The following SEC23B variants were observed in gnomAD, a reference collection of about 807,000 sequenced individuals.
SEC23B encodes the protein protein transport protein Sec23B.
In SEC23B, 77 loss-of-function variants were observed where a neutral mutation model predicts 104.3. The observed-to-expected ratio is 0.74, with a 90% CI of 0.61 to 0.89. SEC23B has a LOEUF of 0.89. Ranked by LOEUF, SEC23B falls within the 40% of genes least tolerant of loss-of-function variation. The pLI, the probability that SEC23B is intolerant of heterozygous loss-of-function variation, is 0.00. For missense variants in SEC23B, 885 were observed against 949.4 expected, an observed-to-expected ratio of 0.93 and a Z score of 0.89; for synonymous variants, 338 against 332.5, an observed-to-expected ratio of 1.02 and a Z score of -0.18.
chr20:18,558,752 C>G (rs980386232), intron 19 of SEC23B, among the ~76,000 whole-genome samples: 1 of 152,160 alleles, frequency 6.6e-6, no homozygotes, highest in Non-Finnish European at 1.5e-5. Context: ...GTGACTTCCA[C>G]TTCTTTCCTG....
At chr20:18,545,173 G>C (rs1450167833) in intron 14 of SEC23B, among the ~76,000 whole-genome samples, 2 of 152,170 alleles carry the variant, frequency 1.3e-5, no homozygotes, top group Non-Finnish European at 2.9e-5. Context: ...TCTGGCTCTA[G>C]TGTTCATTTG....
intron 16 of SEC23B, 97 bp from the exon 17 acceptor site, chr20:18,550,992 C>A: frequency 1.3e-6 from 1 of 790,950 alleles, no homozygotes; most frequent in Non-Finnish European, 2.3e-6. Flanking sequence ...ATAGCCTTTG[C>A]TGTGGATACC....
At chr20:18,519,462 G>T (rs186648247) in intron 4 of SEC23B, among the ~76,000 whole-genome samples, 65 of 152,274 alleles carry the variant, frequency 4.3e-4, no homozygotes, top group Admixed American at 6.5e-4. Context: ...GTATTAGGGC[G>T]GCAGCAGCTG....
chr20:18,548,264 A>ATT (rs1288320490), intron 15 of SEC23B, among the ~76,000 whole-genome samples: 8 of 151,354 alleles, frequency 5.3e-5, no homozygotes, highest in East Asian at 1.9e-4. Flanking sequence ...GGCCCTTTAA[A>ATT]AAAAAAAATT....
chr20:18,541,866 C>T (rs2060290490), intron 12 of SEC23B, among the ~76,000 whole-genome samples: 2 of 152,118 alleles, frequency 1.3e-5, no homozygotes, highest in East Asian at 1.9e-4. Context: ...GCTTGATGTA[C>T]GATTGCCACA....
intron 4 of SEC23B, chr20:18,515,950 C>A: frequency 1.8e-6 from 1 of 548,880 alleles, no homozygotes; most frequent in Non-Finnish European, 3.3e-6. Context: ...TGATTAAATT[C>A]CAAACCTGTT....
At chr20:18,535,880 T>C in intron 12 of SEC23B, 138 bp downstream of exon 12, 4 of 718,276 alleles carry the variant, frequency 5.6e-6, no homozygotes, top group Non-Finnish European at 7.4e-6. Flanking sequence ...TAGTCTGGCA[T>C]GACCTTTTCT....
At position 18,530,707 on chromosome 20, in the gene SEC23B, C is replaced by T; in HGVS notation, c.1137C>T (p.Phe379=). ...TGGYMVMGDS[F]NTSLFKQTFQ... is the part of the protein sequence containing the mutation. ...GCTACATGGTAATGGGAGATTCTTT[C>T]AACACTTCTCTCTTCAAGCAGACAT... The change falls in exon 10 of 20, where the codon TTC becomes TTT. Residue 379 remains phenylalanine (F), a synonymous_variant. Transcript: ENST00000650089. The T allele has an allele frequency of 6.2e-7, 1 of 1,611,348 alleles. No homozygotes were observed. The highest frequency in any genetic ancestry group is 8.5e-7 in the Non-Finnish European group (1 of 1,177,624).
At chr20:18,534,195 T>C (rs988722676) in intron 11 of SEC23B, among the ~76,000 whole-genome samples, 1 of 152,234 alleles carries the variant, frequency 6.6e-6, no homozygotes, top group East Asian at 1.9e-4. Context: ...TTTGCAGATA[T>C]CATGACAGTC....
chr20:18,551,048 C>A, intron 16 of SEC23B, 41 bp from the exon 17 acceptor site: 1 of 1,275,380 alleles, frequency 7.8e-7, no homozygotes, highest in Non-Finnish European at 1.1e-6. Context: ...GTGTGGGGAG[C>A]AGGGAAGACC....
chr20:18,554,157 C>T (rs945568108), intron 17 of SEC23B, 78 bp from the exon 18 acceptor site: 41 of 1,515,098 alleles, frequency 2.7e-5, no homozygotes, highest in African/African-American at 1.4e-4. Flanking sequence ...CTCTGGGTGG[C>T]GATGGTAGAA....
chr20:18,515,520 C>T (rs1043252402), intron 3 of SEC23B, 130 bp from the exon 4 acceptor site: 1 of 681,246 alleles, frequency 1.5e-6, no homozygotes, highest in Non-Finnish European at 2.7e-6. Flanking sequence ...ACAGTGTTGC[C>T]CAAGCTAGTC....
intron 16 of SEC23B, among the ~76,000 whole-genome samples, chr20:18,550,475 TA>T (rs1358456729): frequency 6.6e-6 from 1 of 152,192 alleles, no homozygotes; most frequent in Non-Finnish European, 1.5e-5. Context: ...TATTTTGTAG[TA>T]AACTTTAAAA....
At chr20:18,554,863 A>C (rs2122175936) in intron 18 of SEC23B, among the ~76,000 whole-genome samples, 1 of 151,298 alleles carries the variant, frequency 6.6e-6, no homozygotes, top group South Asian at 2.1e-4. Context: ...AAATGTGCTT[A>C]TGTAAAGGGA....
Position 18,560,662 on chromosome 20 carries a change from A to T in SEC23B, c.2226A>T (p.Ala742=). 1 of 1,613,648 alleles carries T rather than the reference A, an allele frequency of 6.2e-7. No homozygotes were observed. Among genetic ancestry groups the T allele is most frequent in the East Asian group, 2.2e-5 (1 of 44,878 alleles). The part of the protein sequence containing the change: ...NLYAWGQETG[A]PILTDDVSLQ... ...TCATTACATTTCAGGAAACTGGAGC[A>T]CCCATCCTAACTGATGATGTTAGCC... Residue 742 remains alanine, a synonymous_variant, in exon 20 of 20, where the codon GCA becomes GCT. Transcript: ENST00000650089.
chr20:18,535,794 T>C, intron 12 of SEC23B, 52 bp downstream of exon 12: 1 of 1,398,886 alleles, frequency 7.1e-7, no homozygotes, highest in Middle Eastern at 1.8e-4. Flanking sequence ...TGTTTTGTGA[T>C]TTATCTCAAA....
At chr20:18,510,702 G>A in intron 1 of SEC23B, 120 bp from the exon 2 acceptor site, 1 of 768,722 alleles carries the variant, frequency 1.3e-6, no homozygotes, top group Non-Finnish European at 2.2e-6. Flanking sequence ...GGAGGTGGAG[G>A]CTGCAGTGAG....
At chr20:18,546,612 G>C (rs2060335088) in intron 15 of SEC23B, among the ~76,000 whole-genome samples, 1 of 152,186 alleles carries the variant, frequency 6.6e-6, no homozygotes, top group Non-Finnish European at 1.5e-5. Flanking sequence ...TGTCTATAAG[G>C]ATTACAGGAG....
intron 12 of SEC23B, among the ~76,000 whole-genome samples, chr20:18,539,087 C>A (rs2060263071): frequency 6.7e-6 from 1 of 149,686 alleles, no homozygotes; most frequent in Admixed American, 6.7e-5. Context: ...GTGGTGCACA[C>A]CTATAATCCC....
Sources: gnomAD v4.1 joint callset for allele counts (sites outside exome capture counted in the v4.1 genomes callset) on GRCh38, gnomAD v4.1.1 for gene constraint, MANE v1.5 for transcripts, NCBI Gene and HGNC (gene_info 2026-07-23, HGNC 2026-07-21) for gene names.